Variants in PTPRD observed in about 807,000 individuals in gnomAD.
PTPRD encodes the protein receptor-type tyrosine-protein phosphatase delta.
In PTPRD, 34 loss-of-function variants were observed where a neutral mutation model predicts 214.5. The ratio of observed to expected loss-of-function variants is 0.16; its 90% confidence interval spans 0.12 to 0.21. PTPRD has a LOEUF of 0.21. PTPRD is among the 10% of genes least tolerant of loss of function. The pLI is 1.00. For synonymous variants in PTPRD, 1,128 were observed against 845.7 expected, an observed-to-expected ratio of 1.33 and a Z score of -5.79; for missense variants, 2,545 against 2,398.7, an observed-to-expected ratio of 1.06 and a Z score of -1.27.
At chr9:8,980,992 C>T (rs2099309889) in intron 11 of PTPRD, among the ~76,000 whole-genome samples, 1 of 152,006 alleles carries the variant, frequency 6.6e-6, no homozygotes, top group Non-Finnish European at 1.5e-5. Context: ...GTATGGGCCT[C>T]CTAGGAGTTG....
chr9:9,561,133 A>T (rs1340430041), intron 8 of PTPRD, among the ~76,000 whole-genome samples: 1 of 152,088 alleles, frequency 6.6e-6, no homozygotes, highest in Non-Finnish European at 1.5e-5. Context: ...TGGCCTTCCT[A>T]TGTTATGGCT....
At chr9:10,181,854 T>C (rs993030865) in intron 3 of PTPRD, among the ~76,000 whole-genome samples, 1 of 144,044 alleles carries the variant, frequency 6.9e-6, no homozygotes, top group African/African-American at 2.6e-5. Context: ...AAAATCTACA[T>C]TGACAACAAA....
intron 11 of PTPRD, among the ~76,000 whole-genome samples, chr9:8,739,401 T>A (rs1389924631): frequency 6.6e-6 from 1 of 152,238 alleles, no homozygotes; most frequent in Admixed American, 6.5e-5. Flanking sequence ...TGTTTTTTTA[T>A]CTGCATTGAC....
chr9:8,747,046 C>A (rs1486158570), intron 11 of PTPRD, among the ~76,000 whole-genome samples: 2 of 152,048 alleles, frequency 1.3e-5, no homozygotes, highest in South Asian at 2.1e-4. Flanking sequence ...GGATCAAGCC[C>A]CAAATTAAAA....
intron 10 of PTPRD, among the ~76,000 whole-genome samples, chr9:9,040,044 G>T (rs994602828): frequency 2.0e-5 from 3 of 151,892 alleles, no homozygotes; most frequent in Non-Finnish European, 4.4e-5. Flanking sequence ...CTACAATTCA[G>T]AGAAAGGAAA....
chr9:9,081,165 G>C (rs891028732), intron 10 of PTPRD, among the ~76,000 whole-genome samples: 1 of 151,936 alleles, frequency 6.6e-6, no homozygotes, highest in African/African-American at 2.4e-5. Flanking sequence ...CACTGCTTTA[G>C]CTGTGTCCCA....
intron 8 of PTPRD, among the ~76,000 whole-genome samples, chr9:9,465,939 C>T (rs1481251711): frequency 8.0e-6 from 1 of 124,858 alleles, no homozygotes; most frequent in East Asian, 3.0e-4. Context: ...ACAGTGACCA[C>T]AAATTGTGCT....
chr9:9,163,889 T>C (rs1433548432), intron 10 of PTPRD, among the ~76,000 whole-genome samples: 1 of 152,176 alleles, frequency 6.6e-6, no homozygotes, highest in African/African-American at 2.4e-5. Context: ...AGATTCACTT[T>C]AGCACCCCTC....
chr9:10,033,367 C>T (rs529082033), intron 4 of PTPRD, among the ~76,000 whole-genome samples: 180 of 151,770 alleles, frequency 1.2e-3, no homozygotes, highest in Non-Finnish European at 2.3e-3. Context: ...CAGATCTCTT[C>T]GTGGATCCTC....
At chr9:10,178,079 T>A (rs1409683615) in intron 3 of PTPRD, among the ~76,000 whole-genome samples, 1 of 151,900 alleles carries the variant, frequency 6.6e-6, no homozygotes, top group Admixed American at 6.6e-5. Context: ...TTATTTACCC[T>A]CTAGACTGCA....
chr9:10,117,880 T>A (rs2098743704), intron 3 of PTPRD, among the ~76,000 whole-genome samples: 1 of 152,052 alleles, frequency 6.6e-6, no homozygotes, highest in Admixed American at 6.6e-5. Flanking sequence ...TTTCATGGAA[T>A]TACATGCTTT....
intron 2 of PTPRD, among the ~76,000 whole-genome samples, chr9:10,409,430 A>G (rs372325850): frequency 2.6e-5 from 4 of 151,868 alleles, no homozygotes; most frequent in African/African-American, 9.6e-5. Context: ...CATCATTGTT[A>G]TCACATCACT....
chr9:10,265,782 G>T (rs1337634377), intron 3 of PTPRD, among the ~76,000 whole-genome samples: 1 of 152,186 alleles, frequency 6.6e-6, no homozygotes, highest in Non-Finnish European at 1.5e-5. Context: ...AGCCAGTAAG[G>T]TCTGGGAGTG....
intron 5 of PTPRD, among the ~76,000 whole-genome samples, chr9:9,884,539 TG>T (rs1161123593): frequency 6.6e-6 from 1 of 152,146 alleles, no homozygotes; most frequent in East Asian, 1.9e-4. Flanking sequence ...TGGGAATAGA[TG>T]GCAGGTAGAA....
At chr9:10,435,374 G>C (rs550577287) in intron 2 of PTPRD, among the ~76,000 whole-genome samples, 1 of 151,776 alleles carries the variant, frequency 6.6e-6, no homozygotes, top group African/African-American at 2.4e-5. Flanking sequence ...TTTAGCCCTC[G>C]TTTTCACAAT....
intron 7 of PTPRD, among the ~76,000 whole-genome samples, chr9:9,622,220 T>C (rs1364377047): frequency 6.6e-6 from 1 of 152,158 alleles, no homozygotes; most frequent in East Asian, 1.9e-4. Flanking sequence ...TGTTTAACAC[T>C]CATTAAACAC....
At chr9:10,135,930 T>C (rs943266726) in intron 3 of PTPRD, among the ~76,000 whole-genome samples, 26 of 146,242 alleles carry the variant, frequency 1.8e-4, no homozygotes, top group African/African-American at 6.4e-4. Flanking sequence ...AAGCACAGAA[T>C]TGTAAGTTGA....
chr9:10,054,192 A>G (rs938567073), intron 3 of PTPRD, among the ~76,000 whole-genome samples: 1 of 152,204 alleles, frequency 6.6e-6, no homozygotes, highest in Non-Finnish European at 1.5e-5. Flanking sequence ...GATGGAAACA[A>G]AATATTTGAC....
chr9:8,613,571 T>G (rs192207134), intron 14 of PTPRD, among the ~76,000 whole-genome samples: 2 of 152,116 alleles, frequency 1.3e-5, no homozygotes, highest in Non-Finnish European at 2.9e-5. Flanking sequence ...AAAGTTTGAA[T>G]CTCCTGCCTC....
Sources: gnomAD v4.1 joint callset for allele counts (sites outside exome capture counted in the v4.1 genomes callset) on GRCh38, gnomAD v4.1.1 for gene constraint, MANE v1.5 for transcripts, NCBI Gene and HGNC (gene_info 2026-07-23, HGNC 2026-07-21) for gene names.